The following UNC80 variants were observed in gnomAD, a reference collection of about 807,000 sequenced individuals.
UNC80 encodes the protein protein unc-80 homolog.
Under a neutral mutation model 384.6 loss-of-function variants are expected in UNC80, and 164 were observed. The observed-to-expected ratio is 0.43, with a 90% CI of 0.38 to 0.49. The LOEUF is 0.49. Among genes scored for constraint, UNC80 ranks in the 20% least tolerant of loss-of-function variants. The pLI is 0.00. For synonymous variants in UNC80, 1,486 were observed against 1,527.8 expected, an observed-to-expected ratio of 0.97 and a Z score of 0.64; for missense variants, 3,330 against 4,143.0, an observed-to-expected ratio of 0.80 and a Z score of 5.39.
At chr2:209,781,967 A>G (rs1357020022) in intron 4 of UNC80, among the ~76,000 whole-genome samples, 1 of 152,144 alleles carries the variant, frequency 6.6e-6, no homozygotes, top group Non-Finnish European at 1.5e-5. Context: ...TGCACATTCC[A>G]CTAATCACAG....
chr2:209,987,347 C>G (rs528779200), intron 61 of UNC80, among the ~76,000 whole-genome samples: 1 of 151,312 alleles, frequency 6.6e-6, no homozygotes, highest in Admixed American at 6.6e-5. Context: ...TAGATTCATC[C>G]CCAGAAATAG....
chr2:209,823,303 C>T (rs1179280361), intron 13 of UNC80, among the ~76,000 whole-genome samples: 1 of 152,208 alleles, frequency 6.6e-6, no homozygotes, highest in African/African-American at 2.4e-5. Context: ...TAGATATTTA[C>T]AAAGAGCTTC....
intron 61 of UNC80, among the ~76,000 whole-genome samples, chr2:209,989,490 G>T (rs973770256): frequency 6.6e-6 from 1 of 152,064 alleles, no homozygotes; most frequent in African/African-American, 2.4e-5. Context: ...ATGATATTTT[G>T]TGACCATAAA....
At chr2:209,786,276 A>G in intron 5 of UNC80, 87 bp downstream of exon 5, 1 of 1,472,896 alleles carries the variant, frequency 6.8e-7, no homozygotes, top group South Asian at 1.5e-5. Context: ...TGCCCCTAAG[A>G]AGTCAAAAAG....
At chr2:209,867,264 T>G (rs2083909932) in intron 22 of UNC80, among the ~76,000 whole-genome samples, 1 of 152,242 alleles carries the variant, frequency 6.6e-6, no homozygotes, top group Non-Finnish European at 1.5e-5. Flanking sequence ...GGAATTTATT[T>G]TATCCATCTT....
chr2:209,782,572 A>G (rs1490898286), intron 4 of UNC80, among the ~76,000 whole-genome samples: 2 of 152,074 alleles, frequency 1.3e-5, no homozygotes, highest in Admixed American at 1.3e-4. Context: ...TGTAGGAATT[A>G]TCATTGTACC....
rs550268755 is a variant in UNC80 at position 209,941,411 on chromosome 2, C to G, written c.6837C>G (p.Thr2279=). The G allele has an allele frequency of 6.4e-7, 1 of 1,550,864 alleles. No individual in the cohort carries two copies. Among genetic ancestry groups the G allele is most frequent in the Non-Finnish European group, 8.7e-7 (1 of 1,146,322 alleles). ...CCCTGCTCAGGCAGTATGCTGCCAC[C>G]GTCATCAACACCGCGGTGCACTTCA... ...DSALLRQYAA[T]VINTAVHFNH... is the part of the protein sequence containing the mutation. The change falls in exon 44 of 65, where the codon ACC becomes ACG. Residue 2279 remains threonine, a synonymous_variant. Transcript: ENST00000673920.
intron 21 of UNC80, among the ~76,000 whole-genome samples, chr2:209,847,905 A>G (rs1238056348): frequency 2.0e-5 from 3 of 152,014 alleles, no homozygotes; most frequent in Non-Finnish European, 4.4e-5. Flanking sequence ...TAATAAAACA[A>G]CTGGATTCAC....
Position 209,939,446 on chromosome 2 carries a change from T to A in UNC80, c.6466-26T>A, listed in dbSNP as rs371374583. On this transcript the variant is annotated intron_variant, in intron 42 of 64. Transcript: ENST00000673920. ...CTGGAGTTTCTAATACTCCTTTTTG[T>A]CTGCTCCTGCTTTTGTTTTCTCCAG... is the stretch of plus-strand genomic sequence containing the variant. The A allele has an allele frequency of 5.2e-6, 8 of 1,532,668 alleles. No individual in the cohort carries two copies. In the African/African-American group the frequency reaches 1.1e-4, roughly 21 times the overall value. The allele number at this position is 1,532,668 out of a possible 1,614,324, so 94.9% of individuals were successfully genotyped here.
At chr2:209,924,989 A>G (rs922398423) in intron 35 of UNC80, among the ~76,000 whole-genome samples, 6 of 151,990 alleles carry the variant, frequency 3.9e-5, no homozygotes, top group African/African-American at 1.4e-4. Flanking sequence ...AACAGCTACC[A>G]TGGTTGCAAG....
intron 29 of UNC80, among the ~76,000 whole-genome samples, chr2:209,909,712 C>T (rs964974527): frequency 1.3e-5 from 2 of 152,104 alleles, no homozygotes; most frequent in African/African-American, 2.4e-5. Flanking sequence ...GTAATCTAAT[C>T]AAAAGTGGTC....
intron 22 of UNC80, among the ~76,000 whole-genome samples, chr2:209,859,586 A>G (rs1022555632): frequency 1.1e-4 from 17 of 152,246 alleles, no homozygotes; most frequent in African/African-American, 4.1e-4. Flanking sequence ...TTCTGGTTCT[A>G]GATCCTTGAG....
At chr2:209,855,309 G>T (rs768175290) in intron 22 of UNC80, among the ~76,000 whole-genome samples, 1 of 151,918 alleles carries the variant, frequency 6.6e-6, no homozygotes, top group Non-Finnish European at 1.5e-5. Context: ...GCAGGGTTAG[G>T]GGGGCAGGGG....
At chr2:209,921,396 T>C (rs2090029598) in intron 33 of UNC80, 104 bp from the exon 34 acceptor site, 8 of 1,168,776 alleles carry the variant, frequency 6.8e-6, no homozygotes, top group Non-Finnish European at 9.3e-6. Context: ...TAACATTTCC[T>C]GAGGACAAAC....
intron 22 of UNC80, among the ~76,000 whole-genome samples, chr2:209,856,491 T>C (rs982122463): frequency 6.6e-6 from 1 of 152,108 alleles, no homozygotes; most frequent in African/African-American, 2.4e-5. Context: ...ACTTCTGTCT[T>C]GAAATTCCAA....
rs541873563 is a variant in UNC80, at chr2:209,874,536, T to A, written c.3840+1566T>A. Among the ~76,000 whole-genome samples the A allele has an allele frequency of 7.2e-5, 11 of 152,354 alleles. No individual in the cohort carries two copies. In the East Asian group the frequency reaches 1.9e-3, roughly 27 times the overall value. On this transcript the variant is annotated intron_variant, in intron 23 of 64. Coordinates refer to ENST00000673920, the MANE Select transcript of UNC80 (RefSeq NM_001371986.1). Reference sequence around the variant, plus strand: ...AGCATTTGACACTGCCAACTGCACATACCTCTGTCTTTTGTCCTTTGTCTT... The same window carrying A: ...AGCATTTGACACTGCCAACTGCACAAACCTCTGTCTTTTGTCCTTTGTCTT...
chr2:209,801,377 C>CTTTTTTTTTTT (rs35079056), intron 7 of UNC80, among the ~76,000 whole-genome samples: 2 of 65,976 alleles, frequency 3.0e-5, no homozygotes, highest in African/African-American at 1.1e-4. Flanking sequence ...GCAACCCCTG[C>CTTTTTTTTTTT]TTTTTTTTTT....
At chr2:209,977,848 C>A (rs776974191) in intron 58 of UNC80, among the ~76,000 whole-genome samples, 1 of 152,106 alleles carries the variant, frequency 6.6e-6, no homozygotes, top group Non-Finnish European at 1.5e-5. Flanking sequence ...GCAGTCATTA[C>A]CCACAAGTAA....
chr2:209,842,204 A>G (rs2081815630), intron 20 of UNC80, 146 bp from the exon 21 acceptor site: 1 of 608,160 alleles, frequency 1.6e-6, no homozygotes, highest in Admixed American at 3.0e-5. Flanking sequence ...ACTGATGACC[A>G]AACTAACCAG....
Sources: allele counts gnomAD v4.1 joint callset (sites outside exome capture counted in the v4.1 genomes callset), GRCh38; gene constraint gnomAD v4.1.1; transcripts MANE v1.5; gene names NCBI Gene and HGNC (gene_info 2026-07-23, HGNC 2026-07-21).